The following SHTN1 variants were observed in gnomAD, a reference collection of about 807,000 sequenced individuals.
SHTN1 encodes shootin 1.
A neutral mutation model predicts 83.1 loss-of-function variants in SHTN1; 42 were observed. That is an observed-to-expected ratio of 0.51 (90% CI 0.39 to 0.65). SHTN1 has a LOEUF of 0.65. SHTN1 is among the 30% of genes least tolerant of loss of function. SHTN1 has a pLI of 0.00. For synonymous variants in SHTN1, 224 were observed against 247.7 expected, an observed-to-expected ratio of 0.90 and a Z score of 0.90; for missense variants, 622 against 737.8, an observed-to-expected ratio of 0.84 and a Z score of 1.82.
chr10:116,961,630 T>C (rs1850188497), intron 3 of SHTN1, among the ~76,000 whole-genome samples: 1 of 152,206 alleles, frequency 6.6e-6, no homozygotes, highest in Non-Finnish European at 1.5e-5. Context: ...CACTCAATGG[T>C]ACAGCAGCAC....
intron 12 of SHTN1, among the ~76,000 whole-genome samples, chr10:116,921,031 T>C (rs1207571873): frequency 6.6e-6 from 1 of 152,194 alleles, no homozygotes; most frequent in Non-Finnish European, 1.5e-5. Flanking sequence ...TACACTAGAA[T>C]GTAACTTCTA....
intron 1 of SHTN1, among the ~76,000 whole-genome samples, chr10:117,081,514 T>C (rs1172808690): frequency 7.0e-6 from 1 of 143,520 alleles, no homozygotes; most frequent in African/African-American, 2.6e-5. Context: ...GTTGTGTCTC[T>C]GCCTGGCTTT....
intron 13 of SHTN1, among the ~76,000 whole-genome samples, chr10:116,914,693 A>G (rs1290757907): frequency 2.0e-5 from 3 of 152,056 alleles, no homozygotes; most frequent in Admixed American, 2.0e-4. Context: ...TTTCAAGAAC[A>G]ATGTTTAAAA....
chr10:116,951,234 G>A (rs1289205797), intron 6 of SHTN1, among the ~76,000 whole-genome samples: 1 of 152,128 alleles, frequency 6.6e-6, no homozygotes, highest in East Asian at 1.9e-4. Flanking sequence ...GTAAGCCTGG[G>A]AAATACAGGA....
chr10:117,105,685 CT>C (rs1853659844), intron 1 of SHTN1, among the ~76,000 whole-genome samples: 2 of 152,170 alleles, frequency 1.3e-5, no homozygotes. Flanking sequence ...ATTTTTCAGA[CT>C]TTCTGGTTTG....
chr10:117,105,656 C>G (rs528600529), intron 1 of SHTN1, among the ~76,000 whole-genome samples: 66 of 152,278 alleles, frequency 4.3e-4, no homozygotes, highest in African/African-American at 1.5e-3. Flanking sequence ...AAGGTGAGAA[C>G]AGTTATATGC....
rs561182899 is a variant in SHTN1, at chr10:116,937,304, C to T, written c.858+3162G>A. Among the ~76,000 whole-genome samples, 110 of 152,240 alleles carry T rather than the reference C, an allele frequency of 7.2e-4. 2 individuals are homozygous for T. The South Asian group carries it at 0.022, about 30-fold the overall frequency. On this transcript the variant is annotated intron_variant, in intron 9 of 16. Coordinates refer to ENST00000355371, the MANE Select transcript of SHTN1 (RefSeq NM_001127211.3). ...TGTTTTTGCAGTAGCTGGTACCAGTCTTTCCTTTCCATGTTTAGTGCTTCC... is the reference window on the plus strand; with the variant it reads ...TGTTTTTGCAGTAGCTGGTACCAGTTTTTCCTTTCCATGTTTAGTGCTTCC...
intron 1 of SHTN1, among the ~76,000 whole-genome samples, chr10:117,058,952 G>A (rs1852863289): frequency 6.6e-6 from 1 of 152,132 alleles, no homozygotes; most frequent in African/African-American, 2.4e-5. Flanking sequence ...TAAAGACAAA[G>A]TAGAATGTGG....
intron 2 of SHTN1, among the ~76,000 whole-genome samples, chr10:117,031,243 G>C (rs1342025114): frequency 6.6e-6 from 1 of 152,126 alleles, no homozygotes; most frequent in African/African-American, 2.4e-5. Context: ...CCTGAGAATA[G>C]TATATCCAGT....
At chr10:116,945,993 T>C (rs560272706) in intron 7 of SHTN1, among the ~76,000 whole-genome samples, 8 of 152,220 alleles carry the variant, frequency 5.3e-5, no homozygotes, top group Admixed American at 5.2e-4. Flanking sequence ...TCCATTTACA[T>C]AGAGTTCAAA....
In SHTN1 at chr10:117,115,387, G is replaced by GA. The variant is rs942664859; in HGVS notation, c.-189+10919dup. On this transcript the variant is annotated intron_variant, in intron 1 of 17. Coordinates refer to the SHTN1 transcript ENST00000392901. Reference sequence around the variant, plus strand: ...AGGTGCTCAATAAATAGCAGCTAAAGAAAAAAAAAGGTAATGGCACCTGTC... The same window carrying GA: ...AGGTGCTCAATAAATAGCAGCTAAAGAAAAAAAAAAGGTAATGGCACCTGTC... Among the ~76,000 whole-genome samples the GA allele has an allele frequency of 2.5e-4, 38 of 150,854 alleles. No individual in the cohort carries two copies. The East Asian group carries it at 4.3e-3, about 17-fold the overall frequency.
intron 1 of SHTN1, among the ~76,000 whole-genome samples, chr10:117,119,842 G>GC: frequency 1.3e-5 from 1 of 74,210 alleles, no homozygotes; most frequent in East Asian, 2.5e-4. Context: ...CTAATCAGTT[G>GC]TAAAAAAAAA....
chr10:117,076,493 CAT>C (rs749661395), intron 1 of SHTN1, among the ~76,000 whole-genome samples: 94 of 152,264 alleles, frequency 6.2e-4, no homozygotes, highest in African/African-American at 1.7e-3. Context: ...AATATCAACA[CAT>C]GTTTATATTT....
chr10:117,010,991 C>T (rs901955770), intron 2 of SHTN1, among the ~76,000 whole-genome samples: 2 of 152,172 alleles, frequency 1.3e-5, no homozygotes, highest in African/African-American at 4.8e-5. Context: ...AGACTGAAAG[C>T]TTTCCCCCTG....
At chr10:117,072,369 C>T (rs1276067324) in intron 1 of SHTN1, among the ~76,000 whole-genome samples, 1 of 152,088 alleles carries the variant, frequency 6.6e-6, no homozygotes, top group Non-Finnish European at 1.5e-5. Flanking sequence ...TGTAGAGGCC[C>T]ACATCGTGAA....
chr10:117,053,339 G>A (rs1852776069), intron 1 of SHTN1, among the ~76,000 whole-genome samples: 1 of 151,870 alleles, frequency 6.6e-6, no homozygotes, highest in Non-Finnish European at 1.5e-5. Flanking sequence ...TCACAGAATG[G>A]GGGAAAATAT....
chr10:116,931,135 CA>C (rs57720678), intron 9 of SHTN1, among the ~76,000 whole-genome samples: 4,137 of 131,134 alleles, frequency 0.032, 149 homozygotes, highest in African/African-American at 0.1. Flanking sequence ...CAAAAGTCTT[CA>C]AAAAAAAAAA....
intron 1 of SHTN1, among the ~76,000 whole-genome samples, chr10:117,081,085 G>C (rs1853254364): frequency 6.6e-6 from 1 of 151,342 alleles, no homozygotes; most frequent in Non-Finnish European, 1.5e-5. Flanking sequence ...AATAGGAGTG[G>C]TGAGAGAGGG....
Position 116,881,598 on chromosome 10 carries a change from G to A in SHTN1, c.*4746C>T. On this transcript the variant is annotated 3_prime_UTR_variant, in exon 17 of 17. Coordinates refer to ENST00000355371, the MANE Select transcript of SHTN1 (RefSeq NM_001127211.3). ...GGCACTTGAGGCTGCTGCGGCTAGGGAGCCGCTGGTGCCCACCTTCCCCAC... is the reference window on the plus strand; with the variant it reads ...GGCACTTGAGGCTGCTGCGGCTAGGAAGCCGCTGGTGCCCACCTTCCCCAC... The A allele has an allele frequency of 1.3e-6, 2 of 1,550,412 alleles. No individual in the cohort carries two copies. The highest frequency in any genetic ancestry group is 1.7e-6 in the Non-Finnish European group (2 of 1,146,890).
Sources: gnomAD v4.1 joint callset for allele counts (sites outside exome capture counted in the v4.1 genomes callset) on GRCh38, gnomAD v4.1.1 for gene constraint, MANE v1.5 for transcripts, NCBI Gene and HGNC (gene_info 2026-07-23, HGNC 2026-07-21) for gene names.